The following NHSL2 variants were observed in gnomAD, a reference collection of about 807,000 sequenced individuals.
NHSL2 encodes NHS like 2.
A neutral mutation model predicts 53.4 loss-of-function variants in NHSL2; 27 were observed. The observed-to-expected ratio is 0.51, with a 90% CI of 0.37 to 0.70. The LOEUF (loss-of-function observed/expected upper bound fraction) is 0.70, where lower values mean the gene tolerates loss of function less well. Among genes scored for constraint, NHSL2 ranks in the 30% least tolerant of loss-of-function variants. NHSL2 has a pLI of 0.00. For missense variants in NHSL2, 892 were observed against 980.1 expected (o/e 0.91, Z 1.20); for synonymous variants, 408 against 404.1 (o/e 1.01, Z -0.12).
intron 1 of NHSL2, among the ~76,000 whole-genome samples, chrX:72,062,508 G>A (rs1328747559): frequency 8.9e-6 from 1 of 111,990 alleles, no homozygotes; most frequent in East Asian, 2.8e-4. Context: ...GGTTGAGTCA[G>A]CAGAGAGGTT....
At chrX:72,040,828 A>G (rs1056043433) in intron 1 of NHSL2, among the ~76,000 whole-genome samples, 23 of 112,510 alleles carry the variant, frequency 2.0e-4, no homozygotes, top group African/African-American at 7.4e-4. Context: ...CAGTCATTGT[A>G]TCACTTACTC....
chrX:72,136,287 T>A (rs1165782491), intron 4 of NHSL2, among the ~76,000 whole-genome samples: 2 of 111,787 alleles, frequency 1.8e-5, no homozygotes, highest in African/African-American at 6.5e-5. Context: ...TTTAATAATA[T>A]TAAGTAAGGC....
At position 71,978,479 on chromosome X, in the gene NHSL2, G is replaced by A. The variant is rs771772109; in HGVS notation, c.280+67112G>A. On this transcript the variant is annotated intron_variant, in intron 1 of 7. Coordinates refer to ENST00000633930, the MANE Select transcript of NHSL2 (RefSeq NM_001013627.3). ...CAAGCCCAAAAAGCCACTCGCTATA[G>A]GTCCTTAACCTCATTCTGCATAGGA... 1.2e-4 allele frequency among the ~76,000 whole-genome samples: 14 copies of A among 112,092 alleles called. No homozygotes were observed. The South Asian group carries it at 5.2e-3, about 42-fold the overall frequency.
At chrX:72,130,424 T>C in intron 1 of NHSL2, 1 of 1,201,689 alleles carries the variant, frequency 8.3e-7, no homozygotes, top group Non-Finnish European at 1.1e-6. Context: ...TTCTCCTTCA[T>C]CTCTTGCTGA....
intron 1 of NHSL2, among the ~76,000 whole-genome samples, chrX:71,964,037 A>ATG (rs2041888039): frequency 5.0e-5 from 2 of 40,349 alleles, no homozygotes; most frequent in African/African-American, 2.6e-4. Context: ...GTATATATAT[A>ATG]TATATGTATA....
At chrX:72,051,933 A>G (rs902604199) in intron 1 of NHSL2, among the ~76,000 whole-genome samples, 3 of 112,087 alleles carry the variant, frequency 2.7e-5, no homozygotes, top group Non-Finnish European at 3.8e-5. Flanking sequence ...GCCTCTCCAG[A>G]TAACTCCAGG....
intron 1 of NHSL2, among the ~76,000 whole-genome samples, chrX:71,975,293 T>TA (rs1211358945): frequency 2.7e-5 from 3 of 111,948 alleles, no homozygotes; most frequent in Admixed American, 9.4e-5. Context: ...CACCCATTTT[T>TA]ATCAAGATAT....
At chrX:71,930,091 C>T (rs1319793936) in intron 1 of NHSL2, among the ~76,000 whole-genome samples, 2 of 111,971 alleles carry the variant, frequency 1.8e-5, no homozygotes, top group East Asian at 2.8e-4. Flanking sequence ...GGCAGGATTG[C>T]ACTTCCTCAC....
Position 71,911,074 on chromosome X carries a change from C to G in NHSL2, c.-14C>G, listed in dbSNP as rs2041598498. 2 of 995,659 alleles carry G rather than the reference C, an allele frequency of 2.0e-6. No individual in the cohort carries two copies. The highest frequency in any genetic ancestry group is 8.3e-5 in the East Asian group (2 of 24,118). The allele number at this position is 995,659 out of a possible 1,213,427, so 82.1% of individuals were successfully genotyped here. On this transcript the variant is annotated 5_prime_UTR_variant, in exon 1 of 8. Coordinates refer to ENST00000633930, the MANE Select transcript of NHSL2 (RefSeq NM_001013627.3). ...CCGCCAGACTGGTCCCCTGCGCCCG[C>G]GCCCGCGGCCGGGATGCCGTTCTAC...
intron 1 of NHSL2, among the ~76,000 whole-genome samples, chrX:72,029,956 G>A (rs908949371): frequency 1.4e-4 from 16 of 111,734 alleles, no homozygotes; most frequent in Middle Eastern, 4.6e-3. Context: ...TAAACGTTAT[G>A]TGTACTATTA....
intron 1 of NHSL2, among the ~76,000 whole-genome samples, chrX:71,945,130 G>T (rs918839702): frequency 7.1e-5 from 8 of 112,080 alleles, no homozygotes; most frequent in Non-Finnish European, 1.5e-4. Flanking sequence ...CAGTTGGGGG[G>T]GTCATCCGTT....
At position 72,148,856 on chromosome X, in the gene NHSL2, G is replaced by GTGTC. The variant is rs1296906900; in HGVS notation, c.*5285_*5286insCTGT. 5 of 106,959 alleles carry GTGTC rather than the reference G, an allele frequency of 4.7e-5. No individual in the cohort carries two copies. In the Admixed American group the frequency reaches 5.1e-4, roughly 11 times the overall value. The allele number at this position is 106,959 out of a possible 1,213,427, so 8.8% of individuals were successfully genotyped here. The stretch of plus-strand genomic sequence containing the variant: ...AGAGAGTGTATGTGTGTGTGTGTGT[G>GTGTC]TGTGTGTGTGTGTGTGTGTGTGTAT... On this transcript the variant is annotated 3_prime_UTR_variant, in exon 8 of 8. Coordinates refer to ENST00000633930, the MANE Select transcript of NHSL2 (RefSeq NM_001013627.3).
In NHSL2 at chrX:72,032,837, C is replaced by T. The variant is rs748261846; in HGVS notation, c.281-99242C>T. Among the ~76,000 whole-genome samples the T allele has an allele frequency of 8.9e-5, 10 of 112,003 alleles. No individual in the cohort carries two copies. The East Asian group carries it at 2.8e-3, about 31-fold the overall frequency. On this transcript the variant is annotated intron_variant, in intron 1 of 7. Transcript: ENST00000633930. The stretch of plus-strand genomic sequence containing the variant: ...TCACACCACTGCACTCCAGCCTGGG[C>T]GACAGAGCAAGACTCTGCTCTTAAA...
chrX:72,087,451 A>G (rs776995406), intron 1 of NHSL2, among the ~76,000 whole-genome samples: 1 of 112,753 alleles, frequency 8.9e-6, no homozygotes, highest in Non-Finnish European at 1.9e-5. Context: ...GTTGTACAAC[A>G]TTGTGAATAG....
chrX:72,002,621 G>C (rs759559637), intron 1 of NHSL2, among the ~76,000 whole-genome samples: 2 of 111,670 alleles, frequency 1.8e-5, no homozygotes, highest in Non-Finnish European at 3.8e-5. Context: ...TATCCAGTAG[G>C]ACTGGAGCTG....
At chrX:72,012,375 C>T (rs1341506501) in intron 1 of NHSL2, among the ~76,000 whole-genome samples, 2 of 112,027 alleles carry the variant, frequency 1.8e-5, no homozygotes, top group African/African-American at 6.5e-5. Context: ...AGAATGTATT[C>T]TCTCATGATT....
At chrX:72,058,347 T>G (rs2042380730) in intron 1 of NHSL2, among the ~76,000 whole-genome samples, 1 of 110,393 alleles carries the variant, frequency 9.1e-6, no homozygotes, top group Admixed American at 9.6e-5. Context: ...TTTTTTAAAT[T>G]GTTATTAATT....
At chrX:72,075,895 G>A (rs1358647091) in intron 1 of NHSL2, among the ~76,000 whole-genome samples, 2 of 75,657 alleles carry the variant, frequency 2.6e-5, no homozygotes, top group East Asian at 4.3e-4. Flanking sequence ...GGTCTTGGGG[G>A]AGCACAGTGT....
chrX:71,955,988 G>A (rs1367142126), intron 1 of NHSL2, among the ~76,000 whole-genome samples: 4 of 110,909 alleles, frequency 3.6e-5, no homozygotes, highest in Non-Finnish European at 7.6e-5. Context: ...CTCAGAGGCA[G>A]AGAGAAGCTC....
Sources: gnomAD v4.1 joint callset for allele counts (sites outside exome capture counted in the v4.1 genomes callset) on GRCh38, gnomAD v4.1.1 for gene constraint, MANE v1.5 for transcripts, NCBI Gene and HGNC (gene_info 2026-07-23, HGNC 2026-07-21) for gene names.